Variants in PMFBP1 observed in about 807,000 individuals in gnomAD.
PMFBP1 encodes polyamine-modulated factor 1-binding protein 1.
A neutral mutation model predicts 137.8 loss-of-function variants in PMFBP1; 131 were observed. That is an observed-to-expected ratio of 0.95 (90% CI 0.82 to 1.10). The LOEUF (loss-of-function observed/expected upper bound fraction) is 1.10. PMFBP1 is among the 50% of genes least tolerant of loss of function. The pLI, the probability that PMFBP1 is intolerant of heterozygous loss-of-function variation, is 0.00. For missense variants in PMFBP1, 1,199 were observed against 1,175.4 expected, an observed-to-expected ratio of 1.02 and a Z score of -0.29; for synonymous variants, 490 against 450.4, an observed-to-expected ratio of 1.09 and a Z score of -1.11.
the PMFBP1 span, among the ~76,000 whole-genome samples, chr16:72,218,696 AACAGCTTTGAAGGAC>A: frequency 1.3e-5 from 2 of 152,366 alleles, no homozygotes; most frequent in African/African-American, 4.8e-5. Flanking sequence ...TACAGTGGGT[AACAGCTTTGAAGGAC>A]ACACATTTCT....
chr16:72,120,009 G>T lies in PMFBP1; in HGVS notation c.2849C>A (p.Ala950Asp), dbSNP rs767591213. Residue 950 changes from alanine (A) to aspartate (D), a missense_variant, in exon 20 of 21, where the codon GCC becomes GAC. Coordinates refer to ENST00000237353, the MANE Select transcript of PMFBP1 (RefSeq NM_031293.3). ...TTTGGTGCATAGCCTTGTGTTCTCG[G>T]CTTTCATCTTCTTCTCTTCTATCTC... is the stretch of plus-strand genomic sequence containing the variant. ...KKEIEEKKMKAENTRLCTKAL... is the reference protein window; with the variant it reads ...KKEIEEKKMKDENTRLCTKAL... 2 of 1,614,136 alleles carry T rather than the reference G, an allele frequency of 1.2e-6. No individual in the cohort carries two copies. The highest frequency in any genetic ancestry group is 1.7e-6 in the Non-Finnish European group (2 of 1,180,028).
At chr16:72,163,791 G>A (rs1017331778) in intron 3 of PMFBP1, among the ~76,000 whole-genome samples, 1 of 152,190 alleles carries the variant, frequency 6.6e-6, no homozygotes, top group Non-Finnish European at 1.5e-5. Flanking sequence ...TGGAATTGGA[G>A]ACTATTATTC....
At chr16:72,196,332 G>A in the PMFBP1 span, among the ~76,000 whole-genome samples, 1 of 152,066 alleles carries the variant, frequency 6.6e-6, no homozygotes, top group Non-Finnish European at 1.5e-5. Flanking sequence ...AGGGTACGGG[G>A]GCTTCTTCTG....
chr16:72,214,454 C>T, the PMFBP1 span, among the ~76,000 whole-genome samples: 3 of 152,254 alleles, frequency 2.0e-5, no homozygotes, highest in African/African-American at 4.8e-5. Context: ...GGATTACAGG[C>T]GTGAGCCACT....
At chr16:72,162,578 A>G (rs186752700) in intron 3 of PMFBP1, among the ~76,000 whole-genome samples, 6 of 152,332 alleles carry the variant, frequency 3.9e-5, no homozygotes, top group Middle Eastern at 6.8e-3. Flanking sequence ...GCAGATCTTA[A>G]AGGGATTTTC....
chr16:72,201,010 C>T, the PMFBP1 span, among the ~76,000 whole-genome samples: 3 of 152,178 alleles, frequency 2.0e-5, no homozygotes, highest in African/African-American at 7.2e-5. Flanking sequence ...GGACAACTGT[C>T]CACTTAATGT....
At chr16:72,118,368 G>C (rs1290132840), downstream of PMFBP1, among the ~76,000 whole-genome samples, 1 of 152,182 alleles carries the variant, frequency 6.6e-6, no homozygotes, top group Non-Finnish European at 1.5e-5. Context: ...TTCTGGAACT[G>C]CCCTTCCCAA....
chr16:72,129,957 C>T (rs1178757333), intron 12 of PMFBP1, among the ~76,000 whole-genome samples: 2 of 152,156 alleles, frequency 1.3e-5, no homozygotes, highest in Admixed American at 6.5e-5. Flanking sequence ...AGGGATCCTC[C>T]CACCTCATCC....
At chr16:72,128,486 C>T in intron 14 of PMFBP1, 171 bp downstream of exon 14, 9 of 1,540,624 alleles carry the variant, frequency 5.8e-6, no homozygotes, top group Non-Finnish European at 7.8e-6. Context: ...ATTTCTCTGG[C>T]TCAGCAACCA....
chr16:72,183,941 G>A, the PMFBP1 span, among the ~76,000 whole-genome samples: 2 of 152,074 alleles, frequency 1.3e-5, no homozygotes, highest in African/African-American at 4.8e-5. Flanking sequence ...AAAGTTTTGG[G>A]TGTCAACTCC....
intron 5 of PMFBP1, among the ~76,000 whole-genome samples, chr16:72,142,994 A>G (rs2042745944): frequency 6.6e-6 from 1 of 152,220 alleles, no homozygotes; most frequent in South Asian, 2.1e-4. Context: ...AAAATTATTA[A>G]TAATATATTA....
rs530982007 is a variant in PMFBP1 at position 72,164,284 on chromosome 16, G to C, written c.165+480C>G. On this transcript the variant is annotated intron_variant, in intron 3 of 20. Coordinates refer to ENST00000237353, the MANE Select transcript of PMFBP1 (RefSeq NM_031293.3). ...GAACCTGAGCTTGTCCTATGATCAGGTTCCTGCATCCAGAAGAAAAGCTTG... is the reference window on the plus strand; with the variant it reads ...GAACCTGAGCTTGTCCTATGATCAGCTTCCTGCATCCAGAAGAAAAGCTTG... 1.5e-5 allele frequency: 10 copies of C among 673,310 alleles called. No individual in the cohort carries two copies. The East Asian group carries it at 5.3e-4, about 35-fold the overall frequency. 41.7% of individuals were successfully genotyped at this position (673,310 alleles called of 1,614,324 possible). A position where few individuals can be genotyped will look rare whatever the true frequency, so the allele number is the denominator to read the frequency against.
At chr16:72,143,402 C>T (rs2042752975) in intron 5 of PMFBP1, among the ~76,000 whole-genome samples, 1 of 152,160 alleles carries the variant, frequency 6.6e-6, no homozygotes, top group Non-Finnish European at 1.5e-5. Context: ...GGTAAGAGAG[C>T]TCAGTAAGGT....
chr16:72,131,354 C>T (rs1181955638), intron 10 of PMFBP1, among the ~76,000 whole-genome samples: 2 of 152,070 alleles, frequency 1.3e-5, no homozygotes, highest in South Asian at 2.1e-4. Flanking sequence ...CTTTGGAAGC[C>T]TAAGAGAAAT....
chr16:72,132,372 C>T (rs1416353002), intron 10 of PMFBP1, among the ~76,000 whole-genome samples: 1 of 151,844 alleles, frequency 6.6e-6, no homozygotes. Context: ...GGCAAAAAGG[C>T]GAAAGGGAAT....
chr16:72,125,052 C>T, intron 16 of PMFBP1, 118 bp from the exon 17 acceptor site: 2 of 1,393,400 alleles, frequency 1.4e-6, no homozygotes, highest in Non-Finnish European at 2.0e-6. Context: ...ATTTTCTTCT[C>T]AGTGGCCAGC....
the PMFBP1 span, among the ~76,000 whole-genome samples, chr16:72,207,122 A>C: frequency 6.6e-6 from 1 of 152,130 alleles, no homozygotes; most frequent in African/African-American, 2.4e-5. Context: ...TTTCAAGTGG[A>C]GACAGATGGG....
At chr16:72,127,840 C>T (rs1307926692) in intron 14 of PMFBP1, among the ~76,000 whole-genome samples, 1 of 152,190 alleles carries the variant, frequency 6.6e-6, no homozygotes, top group Non-Finnish European at 1.5e-5. Flanking sequence ...TTCTACTGGG[C>T]AGTGCTATTT....
chr16:72,225,171 A>G, the PMFBP1 span: 1 of 152,164 alleles, frequency 6.6e-6, no homozygotes, highest in Non-Finnish European at 1.5e-5. Context: ...AAGAACTAGA[A>G]CACTTCAGAA....
Sources: allele counts gnomAD v4.1 joint callset (sites outside exome capture counted in the v4.1 genomes callset), GRCh38; gene constraint gnomAD v4.1.1; transcripts MANE v1.5; gene names NCBI Gene and HGNC (gene_info 2026-07-23, HGNC 2026-07-21).